The following SLC9C2 variants were observed in gnomAD, a reference collection of about 807,000 sequenced individuals.
SLC9C2 encodes the protein sodium/hydrogen exchanger 11.
SLC9C2 carries 75 observed loss-of-function variants against 140.2 expected under a neutral mutation model. That is an observed-to-expected ratio of 0.53 (90% CI 0.44 to 0.65). The LOEUF (loss-of-function observed/expected upper bound fraction) is 0.65, where lower values mean the gene tolerates loss of function less well. Among genes scored for constraint, SLC9C2 ranks in the 30% least tolerant of loss-of-function variants. The pLI is 0.00. For missense variants in SLC9C2, 1,074 were observed against 1,331.8 expected (o/e 0.81, Z 3.01); for synonymous variants, 375 against 420.9 (o/e 0.89, Z 1.34).
At chr1:173,542,162 A>T (rs1662481194) in intron 13 of SLC9C2, among the ~76,000 whole-genome samples, 1 of 152,196 alleles carries the variant, frequency 6.6e-6, no homozygotes, top group African/African-American at 2.4e-5. Flanking sequence ...TGCAATAAAA[A>T]ATGATAAAGG....
At chr1:173,568,699 T>C (rs794706) in intron 9 of SLC9C2, among the ~76,000 whole-genome samples, 27,429 of 152,100 alleles carry the variant, frequency 0.18, 3,065 homozygotes, top group Non-Finnish European at 0.23. Context: ...CTTTGAGGAA[T>C]TGCCAGACAG....
At chr1:173,575,826 C>T (rs1248077263) in intron 8 of SLC9C2, among the ~76,000 whole-genome samples, 190 of 152,090 alleles carry the variant, frequency 1.2e-3, no homozygotes, top group African/African-American at 4.1e-3. Flanking sequence ...GATCCGCCTG[C>T]CTCGGCCTCC....
intron 23 of SLC9C2, among the ~76,000 whole-genome samples, chr1:173,513,954 T>A (rs1359330358): frequency 3.9e-5 from 6 of 152,194 alleles, no homozygotes; most frequent in African/African-American, 1.4e-4. Flanking sequence ...TCCATGTAGT[T>A]CAATTTCCAT....
intron 5 of SLC9C2, among the ~76,000 whole-genome samples, chr1:173,586,329 G>C (rs1665846100): frequency 6.6e-6 from 1 of 152,164 alleles, no homozygotes; most frequent in South Asian, 2.1e-4. Context: ...ATGAAAATAA[G>C]AATATCACAA....
chr1:173,521,033 T>G (rs1200164271), intron 22 of SLC9C2, among the ~76,000 whole-genome samples: 2 of 152,198 alleles, frequency 1.3e-5, no homozygotes, highest in African/African-American at 4.8e-5. Flanking sequence ...CGCCAAGTAT[T>G]GATTTCCTTC....
At chr1:173,562,202 A>G (rs1350084266) in intron 9 of SLC9C2, among the ~76,000 whole-genome samples, 1 of 152,216 alleles carries the variant, frequency 6.6e-6, no homozygotes, top group Admixed American at 6.5e-5. Context: ...TGTTGACTGC[A>G]ACATCAAAAA....
chr1:173,538,194 T>C lies in SLC9C2; in HGVS notation c.1558-1155A>G, dbSNP rs148523042. ...GGTATGGGGCAATGGCCAGGCTCTC[T>C]CTACTCTGAGGGCTACTGGAGCACT... On this transcript the variant is annotated intron_variant, in intron 13 of 27. Transcript: ENST00000367714. Among the ~76,000 whole-genome samples, 663 of 152,308 alleles carry C rather than the reference T, an allele frequency of 4.4e-3. 6 individuals carry two copies. The highest frequency in any genetic ancestry group is 0.015 in the African/African-American group (621 of 41,554).
Position 173,534,506 on chromosome 1 carries a change from T to C in SLC9C2, c.1952A>G (p.Tyr651Cys), listed in dbSNP as rs761815756. The C allele has an allele frequency of 5.1e-6, 8 of 1,581,980 alleles. No homozygotes were observed. The highest frequency in any genetic ancestry group is 4.8e-5 in the South Asian group (4 of 83,818). Residue 651 changes from tyrosine to cysteine, a missense_variant, in exon 16 of 28, where the codon TAT becomes TGT. Physicochemically the swap from Tyr to Cys is radical, Grantham distance 194. Coordinates refer to ENST00000367714, the MANE Select transcript of SLC9C2 (RefSeq NM_178527.4). ...ISINYYFMFLYVLESTLKIII... is the reference protein window; with the variant it reads ...ISINYYFMFLCVLESTLKIII... ...TACCTTCAATGTTGATTCTAATACA[T>C]ATAAAAACATAAAATAGTAGTTTAT...
At chr1:173,503,212 T>C in intron 27 of SLC9C2, 54 bp downstream of exon 27, 1 of 1,476,068 alleles carries the variant, frequency 6.8e-7, no homozygotes, top group Non-Finnish European at 9.4e-7. Flanking sequence ...TTTAGCTGTA[T>C]AGTTCAATAT....
chr1:173,507,078 A>T (rs750191574), intron 24 of SLC9C2, 37 bp from the exon 25 acceptor site: 40 of 1,434,974 alleles, frequency 2.8e-5, no homozygotes, highest in Non-Finnish European at 3.7e-5. Context: ...TAAGTCATAC[A>T]AACTGACAGA....
intron 8 of SLC9C2, among the ~76,000 whole-genome samples, chr1:173,576,308 G>A (rs772704316): frequency 3.3e-5 from 5 of 152,010 alleles, no homozygotes; most frequent in Non-Finnish European, 5.9e-5. Context: ...TCTGCTACTC[G>A]TCTTTTCCAG....
At chr1:173,509,368 C>T (rs1458815030) in intron 24 of SLC9C2, among the ~76,000 whole-genome samples, 200 bp downstream of exon 24, 1 of 151,504 alleles carries the variant, frequency 6.6e-6, no homozygotes, top group African/African-American at 2.4e-5. Context: ...TTGCTTCAAC[C>T]TGGGAGACAG....
chr1:173,513,814 A>C (rs1290167800), intron 23 of SLC9C2, among the ~76,000 whole-genome samples: 1 of 146,228 alleles, frequency 6.8e-6, no homozygotes, highest in Non-Finnish European at 1.5e-5. Context: ...ACCTCTTAAC[A>C]CTGCTTTAGC....
chr1:173,508,567 C>T (rs767126288), intron 24 of SLC9C2, among the ~76,000 whole-genome samples: 1 of 152,122 alleles, frequency 6.6e-6, no homozygotes, highest in African/African-American at 2.4e-5. Context: ...CCCCTTATCC[C>T]TCTGCTAAAA....
chr1:173,596,638 T>C (rs1356776367), intron 4 of SLC9C2: 1 of 152,078 alleles, frequency 6.6e-6, no homozygotes, highest in Non-Finnish European at 1.5e-5. Flanking sequence ...TAAATACTAA[T>C]GGACTAAACT....
At chr1:173,583,271 AT>A (rs1344204457) in intron 6 of SLC9C2, among the ~76,000 whole-genome samples, 6 of 152,114 alleles carry the variant, frequency 3.9e-5, no homozygotes, top group Admixed American at 3.9e-4. Flanking sequence ...TTTAATTTGC[AT>A]TTTTATTGTT....
intron 7 of SLC9C2, among the ~76,000 whole-genome samples, chr1:173,580,193 C>T (rs1277324826): frequency 6.6e-6 from 1 of 151,998 alleles, no homozygotes; most frequent in Admixed American, 6.6e-5. Flanking sequence ...TGGCCAATTT[C>T]GAGCTCTCAA....
At chr1:173,587,015 T>C (rs1438759669) in intron 5 of SLC9C2, among the ~76,000 whole-genome samples, 1 of 151,928 alleles carries the variant, frequency 6.6e-6, no homozygotes, top group Non-Finnish European at 1.5e-5. Flanking sequence ...GTTGTTGTTG[T>C]TTTTAGAAGG....
At chr1:173,582,630 C>T (rs1665613563) in intron 6 of SLC9C2, among the ~76,000 whole-genome samples, 2 of 152,196 alleles carry the variant, frequency 1.3e-5, no homozygotes, top group African/African-American at 2.4e-5. Flanking sequence ...TATCTTCCTC[C>T]TCTTGTGACT....
Sources: gnomAD v4.1 joint callset for allele counts (sites outside exome capture counted in the v4.1 genomes callset) on GRCh38, gnomAD v4.1.1 for gene constraint, MANE v1.5 for transcripts, NCBI Gene and HGNC (gene_info 2026-07-23, HGNC 2026-07-21) for gene names.